Variants in RUSC2 observed in about 807,000 individuals in gnomAD.
RUSC2 encodes RUN and SH3 domain containing 2, also known as AP-4 complex accessory subunit RUSC2.
RUSC2 carries 34 observed loss-of-function variants against 122.2 expected under a neutral mutation model. The ratio of observed to expected loss-of-function variants is 0.28; its 90% confidence interval spans 0.21 to 0.37. RUSC2 has a LOEUF of 0.37. Ranked by LOEUF, RUSC2 falls within the 10% of genes least tolerant of loss-of-function variation. The pLI is 1.00. For synonymous variants in RUSC2, 784 were observed against 790.0 expected (o/e 0.99, Z 0.13); for missense variants, 1,747 against 1,952.4 (o/e 0.89, Z 1.98).
Position 35,558,683 on chromosome 9 carries a change from G to T in RUSC2, c.3341+116G>T, listed in dbSNP as rs1163322775. On this transcript the variant is annotated intron_variant, in intron 8 of 11. Coordinates refer to ENST00000361226, the MANE Select transcript of RUSC2 (RefSeq NM_014806.5). The surrounding 1 kb of genome is among the most constrained non-coding windows in gnomAD (Gnocchi z 4.3). ...CAGACAGAAAGGGTGGATCTGGAGG[G>T]TCCCCTCAGCCCGCTATGGCCTCTC... 2.3e-6 allele frequency: 2 copies of T among 865,040 alleles called. No individual in the cohort carries two copies. Among genetic ancestry groups the T allele is most frequent in the East Asian group, 4.9e-5 (2 of 40,430 alleles). 53.6% of individuals were successfully genotyped at this position (865,040 alleles called of 1,614,324 possible).
At chr9:35,524,903 G>A (rs551830401) in intron 1 of RUSC2, among the ~76,000 whole-genome samples, 17 of 152,036 alleles carry the variant, frequency 1.1e-4, no homozygotes, top group African/African-American at 4.1e-4. Context: ...CCCGGGAGGT[G>A]GAGCTTGCAG....
intron 2 of RUSC2, among the ~76,000 whole-genome samples, chr9:35,552,739 T>TAA (rs1413753733): frequency 6.6e-6 from 1 of 152,230 alleles, no homozygotes; most frequent in Non-Finnish European, 1.5e-5. Context: ...TGGGGCTATT[T>TAA]AACCTAGAGA....
intron 1 of RUSC2, among the ~76,000 whole-genome samples, chr9:35,513,193 G>A (rs1297637239): frequency 1.2e-5 from 1 of 84,842 alleles, no homozygotes; most frequent in Non-Finnish European, 2.3e-5. Context: ...ACTTTGTTTT[G>A]TTGTTGTTGT....
At chr9:35,499,071 G>A (rs10972497) in intron 1 of RUSC2, among the ~76,000 whole-genome samples, 7,416 of 152,216 alleles carry the variant, frequency 0.049, 263 homozygotes, top group East Asian at 0.15. Context: ...CAGATCACTT[G>A]AGGCCAGGAG....
intron 1 of RUSC2, among the ~76,000 whole-genome samples, chr9:35,504,960 G>GA (rs1460944795): frequency 6.6e-6 from 1 of 152,206 alleles, no homozygotes; most frequent in Non-Finnish European, 1.5e-5. Context: ...TATACAAGCT[G>GA]AATAAGTTCT....
Position 35,558,442 on chromosome 9 carries a change from C to A in RUSC2, c.3236-20C>A, listed in dbSNP as rs376657548. 2 of 1,613,738 alleles carry A rather than the reference C, an allele frequency of 1.2e-6. No individual in the cohort carries two copies. The highest frequency in any genetic ancestry group is 1.3e-5 in the African/African-American group (1 of 74,904). Reference sequence around the variant, plus strand: ...CTCCAGAAATTGGTCATGTGACCTGCAACCCTGGCTTCCTCCCAGGCCCAT... The same window carrying A: ...CTCCAGAAATTGGTCATGTGACCTGAAACCCTGGCTTCCTCCCAGGCCCAT... On this transcript the variant is annotated intron_variant, in intron 7 of 11. Transcript: ENST00000361226. This position sits in a 1 kb window ranked among gnomAD's most constrained non-coding sequence, Gnocchi z 4.3.
At chr9:35,523,523 A>T (rs2132520194) in intron 1 of RUSC2, among the ~76,000 whole-genome samples, 1 of 152,342 alleles carries the variant, frequency 6.6e-6, no homozygotes, top group South Asian at 2.1e-4. Flanking sequence ...TGAAAAAAAA[A>T]GCCAAATAGT....
intron 8 of RUSC2, 37 bp from the exon 9 acceptor site, chr9:35,559,189 A>G (rs367845960): frequency 1.8e-5 from 28 of 1,572,500 alleles, no homozygotes; most frequent in Non-Finnish European, 2.4e-5. Flanking sequence ...GGCTGTATTC[A>G]CACAAGACTC....
At chr9:35,500,638 G>A (rs1820804648) in intron 1 of RUSC2, among the ~76,000 whole-genome samples, 1 of 152,124 alleles carries the variant, frequency 6.6e-6, no homozygotes, top group Non-Finnish European at 1.5e-5. Context: ...TCTCAAGGTG[G>A]CTACTTTGTT....
chr9:35,541,657 G>A (rs1367197467), intron 1 of RUSC2, among the ~76,000 whole-genome samples: 2 of 151,950 alleles, frequency 1.3e-5, no homozygotes, highest in East Asian at 3.9e-4. Context: ...ATGTTGGCCA[G>A]GATGTTCTCA....
chr9:35,545,252 CA>C lies in RUSC2; in HGVS notation c.-92-1176del, dbSNP rs1184112373. 2.0e-5 allele frequency among the ~76,000 whole-genome samples: 3 copies of C among 151,856 alleles called. No individual in the cohort carries two copies. The East Asian group carries it at 5.8e-4, about 29-fold the overall frequency. On this transcript the variant is annotated intron_variant, in intron 1 of 11. Transcript: ENST00000361226. ...AGTTAAATGATGAATAAGAGAAAGG[CA>C]ATGAGGGATTTAGACTCAGGGTGAG...
intron 1 of RUSC2, among the ~76,000 whole-genome samples, chr9:35,492,844 C>A (rs770519582): frequency 2.6e-5 from 4 of 152,228 alleles, no homozygotes; most frequent in Admixed American, 6.5e-5. Flanking sequence ...TTTCTCCCTA[C>A]TCCGCCCCAG....
intron 1 of RUSC2, among the ~76,000 whole-genome samples, chr9:35,503,737 C>G (rs910176494): frequency 9.6e-6 from 1 of 104,186 alleles, no homozygotes; most frequent in African/African-American, 3.5e-5. Flanking sequence ...TATAAGTGTT[C>G]CCTTTTCACC....
At chr9:35,524,781 G>C (rs916032063) in intron 1 of RUSC2, among the ~76,000 whole-genome samples, 32 of 152,122 alleles carry the variant, frequency 2.1e-4, no homozygotes, top group Middle Eastern at 3.4e-3. Context: ...ACCATCCTGG[G>C]TAACACGGTG....
intron 1 of RUSC2, among the ~76,000 whole-genome samples, chr9:35,531,950 C>T (rs911056832): frequency 2.6e-5 from 4 of 152,074 alleles, no homozygotes; most frequent in South Asian, 2.1e-4. Flanking sequence ...GGTGTGAACC[C>T]GGGAGGCAGA....
intron 1 of RUSC2, among the ~76,000 whole-genome samples, chr9:35,501,591 TGATACA>T (rs1253243482): frequency 6.6e-6 from 1 of 152,122 alleles, no homozygotes; most frequent in Non-Finnish European, 1.5e-5. Context: ...GAAATGTCAC[TGATACA>T]GATATTTCTT....
In RUSC2 at chr9:35,546,716, G is replaced by C. The variant is rs1191647559; in HGVS notation, c.195G>C (p.Leu65=). The C allele has an allele frequency of 6.4e-7, 1 of 1,562,492 alleles. No individual in the cohort carries two copies. Among genetic ancestry groups the C allele is most frequent in the East Asian group, 2.3e-5 (1 of 44,434 alleles). ...PDQDLGQADS[L]LFSSLHSTPG... is the part of the protein sequence containing the mutation. ...AAGACCTAGGACAAGCTGACTCCCT[G>C]CTATTCAGCAGCCTGCACTCTACTC... Residue 65 remains leucine (L), a synonymous_variant, in exon 2 of 12, where the codon CTG becomes CTC. Transcript: ENST00000361226. The surrounding 1 kb of genome is among the most constrained non-coding windows in gnomAD (Gnocchi z 4.3).
At chr9:35,525,041 G>A (rs1564252974) in intron 1 of RUSC2, among the ~76,000 whole-genome samples, 1 of 152,100 alleles carries the variant, frequency 6.6e-6, no homozygotes, top group African/African-American at 2.4e-5. Flanking sequence ...AACACTGGAG[G>A]TTCTGTGAGA....
intron 1 of RUSC2, among the ~76,000 whole-genome samples, chr9:35,536,038 T>C (rs1214606862): frequency 6.6e-6 from 1 of 152,186 alleles, no homozygotes; most frequent in East Asian, 1.9e-4. Flanking sequence ...AAGGCAGATA[T>C]GCAAAAAAGA....
Sources: gnomAD v4.1 joint callset for allele counts (sites outside exome capture counted in the v4.1 genomes callset) on GRCh38, gnomAD v4.1.1 for gene constraint, Gnocchi (gnomAD v3.1) non-coding constraint, MANE v1.5 for transcripts, NCBI Gene and HGNC (gene_info 2026-07-23, HGNC 2026-07-21) for gene names.